Variants in DSCAM observed in about 807,000 individuals in gnomAD.
DSCAM encodes DS cell adhesion molecule, also known as cell adhesion molecule DSCAM.
DSCAM carries 47 observed loss-of-function variants against 217.7 expected under a neutral mutation model. The observed-to-expected ratio is 0.22, with a 90% CI of 0.17 to 0.28. The LOEUF (loss-of-function observed/expected upper bound fraction) is 0.28. Ranked by LOEUF, DSCAM falls within the 10% of genes least tolerant of loss-of-function variation. The probability of loss-of-function intolerance (pLI) is 1.00; values close to 1 mark genes in which losing one functional copy is unlikely to be tolerated. For synonymous variants in DSCAM, 1,056 were observed against 1,015.3 expected (o/e 1.04, Z -0.76); for missense variants, 2,080 against 2,618.3 (o/e 0.79, Z 4.49).
Position 40,135,164 on chromosome 21 carries a change from C to T in DSCAM, c.3407-1155G>A, listed in dbSNP as rs74481872. Among the ~76,000 whole-genome samples, 241 of 152,282 alleles carry T rather than the reference C, an allele frequency of 1.6e-3. 3 individuals carry two copies. Among genetic ancestry groups the T allele is most frequent in the Non-Finnish European group, 2.5e-3 (170 of 68,024 alleles). On this transcript the variant is annotated intron_variant, in intron 18 of 32. Transcript: ENST00000400454. ...TTCCCCTAGGGGAAGGGGCTGTCAG[C>T]GACACATTGGTACCCAGAGCAGGCC...
In DSCAM at chr21:40,044,181, T is replaced by A; in HGVS notation, c.5280A>T (p.Ser1760=). ...WTLNRPHPTI[S]AHTLTTDWRL... is the part of the protein sequence containing the mutation. ...TCCAGTCTGTGGTGAGGGTGTGTGC[T>A]GAGATGGTGGGGTGGGGTCGGTTGA... The change falls in exon 31 of 33, where the codon TCA becomes TCT. Residue 1760 remains serine, a synonymous_variant. Transcript: ENST00000400454. The A allele has an allele frequency of 1.2e-6, 2 of 1,614,122 alleles. No individual in the cohort carries two copies. The highest frequency in any genetic ancestry group is 1.7e-6 in the Non-Finnish European group (2 of 1,180,004).
intron 3 of DSCAM, among the ~76,000 whole-genome samples, chr21:40,452,626 T>A (rs963785204): frequency 6.6e-6 from 1 of 152,172 alleles, no homozygotes; most frequent in Admixed American, 6.5e-5. Flanking sequence ...ACAGCACTCA[T>A]GCTCTAGCAA....
chr21:40,633,140 C>T (rs1769756869), intron 3 of DSCAM, among the ~76,000 whole-genome samples: 1 of 152,210 alleles, frequency 6.6e-6, no homozygotes, highest in African/African-American at 2.4e-5. Context: ...CTATTTAATA[C>T]ATCATCACCA....
intron 3 of DSCAM, among the ~76,000 whole-genome samples, chr21:40,498,142 G>A (rs2076134205): frequency 6.6e-6 from 1 of 152,158 alleles, no homozygotes; most frequent in African/African-American, 2.4e-5. Context: ...TCATTGGGCT[G>A]CTTAAATGTT....
chr21:40,482,409 T>C (rs1025467052), intron 3 of DSCAM, among the ~76,000 whole-genome samples: 1 of 152,260 alleles, frequency 6.6e-6, no homozygotes, highest in Non-Finnish European at 1.5e-5. Context: ...TCTGTAGATA[T>C]TTCACACTGT....
At chr21:40,030,745 G>A (rs1387673521) in intron 32 of DSCAM, among the ~76,000 whole-genome samples, 2 of 152,168 alleles carry the variant, frequency 1.3e-5, no homozygotes, top group Non-Finnish European at 2.9e-5. Context: ...TCTCTCTGAG[G>A]AGTATTTGCA....
chr21:40,504,562 CA>C (rs2076195321), intron 3 of DSCAM, among the ~76,000 whole-genome samples: 2 of 152,024 alleles, frequency 1.3e-5, no homozygotes, highest in South Asian at 4.1e-4. Flanking sequence ...TTTTAGAAAG[CA>C]AAATAAAAAA....
At chr21:40,201,319 A>G (rs2091067055) in intron 11 of DSCAM, among the ~76,000 whole-genome samples, 1 of 152,182 alleles carries the variant, frequency 6.6e-6, no homozygotes, top group Non-Finnish European at 1.5e-5. Flanking sequence ...ATTAACCAAA[A>G]GATATCAAAA....
chr21:40,399,697 G>A (rs2075216344), intron 3 of DSCAM, among the ~76,000 whole-genome samples: 1 of 152,190 alleles, frequency 6.6e-6, no homozygotes. Context: ...CACGGTTTCT[G>A]TTAGAAGCTG....
chr21:40,092,886 T>G (rs1428535519), intron 21 of DSCAM, among the ~76,000 whole-genome samples: 1 of 152,214 alleles, frequency 6.6e-6, no homozygotes, highest in Non-Finnish European at 1.5e-5. Context: ...TTCCCCTCAC[T>G]GCTTTATTCT....
chr21:40,073,034 A>C (rs1013956197), intron 27 of DSCAM, among the ~76,000 whole-genome samples: 1 of 152,202 alleles, frequency 6.6e-6, no homozygotes. Flanking sequence ...ATTACAAGGA[A>C]CTACTAAGAA....
chr21:40,710,776 T>A (rs1020512471), intron 1 of DSCAM, among the ~76,000 whole-genome samples: 1 of 152,250 alleles, frequency 6.6e-6, no homozygotes, highest in African/African-American at 2.4e-5. Context: ...GTCACACATC[T>A]GAGCTTCTCC....
At chr21:40,161,685 A>G (rs2090543299) in intron 16 of DSCAM, among the ~76,000 whole-genome samples, 1 of 152,216 alleles carries the variant, frequency 6.6e-6, no homozygotes, top group Non-Finnish European at 1.5e-5. Context: ...AGACTCGTTA[A>G]TATGAGAAGG....
chr21:40,467,876 CA>C (rs1464267355), intron 3 of DSCAM, among the ~76,000 whole-genome samples: 2 of 141,910 alleles, frequency 1.4e-5, no homozygotes, highest in Non-Finnish European at 3.0e-5. Context: ...GGAACTATAT[CA>C]GGCAAGCTTG....
intron 1 of DSCAM, among the ~76,000 whole-genome samples, chr21:40,775,330 T>C (rs2091478699): frequency 1.3e-5 from 2 of 152,102 alleles, no homozygotes; most frequent in Admixed American, 6.5e-5. Context: ...GGACTTAATG[T>C]TAGGTGTTAA....
At chr21:40,455,811 G>A (rs1569131044) in intron 3 of DSCAM, among the ~76,000 whole-genome samples, 1 of 151,942 alleles carries the variant, frequency 6.6e-6, no homozygotes, top group East Asian at 1.9e-4. Flanking sequence ...ATGGATGATA[G>A]ATAAATAGAT....
chr21:40,260,926 G>A (rs1450707294), intron 11 of DSCAM, among the ~76,000 whole-genome samples: 1 of 152,178 alleles, frequency 6.6e-6, no homozygotes, highest in African/African-American at 2.4e-5. Flanking sequence ...TCCCACCTGG[G>A]CCTTGGTGTT....
chr21:40,724,636 C>T (rs76577330), intron 1 of DSCAM, among the ~76,000 whole-genome samples: 3,264 of 152,212 alleles, frequency 0.021, 42 homozygotes, highest in Non-Finnish European at 0.032. Context: ...AATCATTTCT[C>T]CTATGATTAA....
At chr21:40,092,102 T>C (rs977069914) in intron 21 of DSCAM, among the ~76,000 whole-genome samples, 1 of 152,184 alleles carries the variant, frequency 6.6e-6, no homozygotes, top group African/African-American at 2.4e-5. Context: ...GGTGGGTCCA[T>C]GCCTTTATTC....
Sources: allele counts gnomAD v4.1 joint callset (sites outside exome capture counted in the v4.1 genomes callset), GRCh38; gene constraint gnomAD v4.1.1; transcripts MANE v1.5; gene names NCBI Gene and HGNC (gene_info 2026-07-23, HGNC 2026-07-21).